The following ASMTL variants were observed in gnomAD, a reference collection of about 807,000 sequenced individuals.
ASMTL encodes acetylserotonin O-methyltransferase like.
Under a neutral mutation model 60.3 loss-of-function variants are expected in ASMTL, and 57 were observed. That is an observed-to-expected ratio of 0.95 (90% CI 0.76 to 1.18). The LOEUF is 1.18. Ranked by LOEUF, ASMTL falls within the 50% of genes most tolerant of loss-of-function variation. The pLI, the probability that ASMTL is intolerant of heterozygous loss-of-function variation, is 0.00. For synonymous variants in ASMTL, 419 were observed against 373.0 expected (o/e 1.12, Z -1.42); for missense variants, 981 against 852.6 (o/e 1.15, Z -1.88).
At chrX:1,417,376 C>T (rs2090327049) in intron 11 of ASMTL, among the ~76,000 whole-genome samples, 1 of 150,150 alleles carries the variant, frequency 6.7e-6, no homozygotes, top group Admixed American at 6.8e-5. Context: ...GAAACATATG[C>T]AACCACACAC....
intron 2 of ASMTL, among the ~76,000 whole-genome samples, chrX:1,439,794 C>T (rs1437758031): frequency 1.4e-5 from 2 of 147,804 alleles, no homozygotes; most frequent in Non-Finnish European, 3.0e-5. Flanking sequence ...CAAGGTTGCG[C>T]ACCTGCACTC....
intron 1 of ASMTL, among the ~76,000 whole-genome samples, chrX:1,449,673 TGCCCCATCATCAAACCCAGTAA>T (rs1195040740): frequency 7.0e-6 from 1 of 142,294 alleles, no homozygotes; most frequent in African/African-American, 2.7e-5. Context: ...CCAGTAACTA[TGCCCCATCATCAAACCCAGTAA>T]CTACCCCCCA....
chrX:1,421,534 G>A, intron 9 of ASMTL, 124 bp downstream of exon 9: 1 of 1,096,378 alleles, frequency 9.1e-7, no homozygotes, highest in South Asian at 1.5e-5. Flanking sequence ...GGCAGAACGA[G>A]CCAAGCCTTT....
chrX:1,405,695 A>G (rs1351363256), intron 12 of ASMTL, among the ~76,000 whole-genome samples: 3 of 150,832 alleles, frequency 2.0e-5, no homozygotes, highest in Non-Finnish European at 3.0e-5. Flanking sequence ...ATGGGCAGGT[A>G]GATAGATGAA....
chrX:1,408,167 C>G (rs867721353), intron 12 of ASMTL, among the ~76,000 whole-genome samples: 1,681 of 78,500 alleles, frequency 0.021, 30 homozygotes, highest in African/African-American at 0.067. Context: ...CAACACTGCC[C>G]TCCAGCCAAA....
intron 2 of ASMTL, among the ~76,000 whole-genome samples, chrX:1,439,770 A>T (rs1450511722): frequency 2.0e-5 from 3 of 146,724 alleles, no homozygotes; most frequent in African/African-American, 7.5e-5. Flanking sequence ...TAGGAGGCGG[A>T]GGTTGCAGTG....
intron 9 of ASMTL, among the ~76,000 whole-genome samples, chrX:1,419,726 G>A (rs1247118195): frequency 3.9e-5 from 6 of 152,254 alleles, no homozygotes; most frequent in East Asian, 1.9e-4. Context: ...TCTGAGCCCC[G>A]CTCCCAGCAG....
At chrX:1,434,243 A>G (rs1218264755) in intron 5 of ASMTL, among the ~76,000 whole-genome samples, 1 of 152,114 alleles carries the variant, frequency 6.6e-6, no homozygotes, top group African/African-American at 2.4e-5. Context: ...CAGTCCCAGC[A>G]CTTTGGGAGG....
rs200159707 is a variant in ASMTL, at chrX:1,403,552, CAG to C, written c.1646-65_1646-64del. 1.1e-3 allele frequency: 1,639 copies of C among 1,467,898 alleles called. 11 individuals are homozygous for C. In the African/African-American group the frequency reaches 0.017, roughly 15 times the overall value. The allele number at this position is 1,467,898 out of a possible 1,614,324, so 90.9% of individuals were successfully genotyped here. A position where few individuals can be genotyped will look rare whatever the true frequency, so the allele number is the denominator to read the frequency against. ...CAGGCGGGGATCCTTCAGCAGGACA[CAG>C]GGGACACAGCAGGCAACAGGAGCTC... On this transcript the variant is annotated intron_variant, in intron 12 of 12. Coordinates refer to ENST00000381317, the MANE Select transcript of ASMTL (RefSeq NM_004192.4).
chrX:1,453,249 G>C (rs1164743188), upstream of ASMTL, among the ~76,000 whole-genome samples: 11 of 141,102 alleles, frequency 7.8e-5, no homozygotes, highest in African/African-American at 3.0e-4. Flanking sequence ...GCCAGGCCAC[G>C]CCCAGGCCAC....
intron 1 of ASMTL, among the ~76,000 whole-genome samples, chrX:1,444,973 T>C (rs1198738765): frequency 2.0e-5 from 3 of 152,124 alleles, no homozygotes; most frequent in African/African-American, 7.2e-5. Context: ...CGTCTTCCTC[T>C]CTCTTCGTCC....
At chrX:1,410,969 C>G (rs28433576) in intron 12 of ASMTL, among the ~76,000 whole-genome samples, 3 of 151,826 alleles carry the variant, frequency 2.0e-5, no homozygotes, top group African/African-American at 7.2e-5. Flanking sequence ...GTGGATCACC[C>G]GAGGTTGGGA....
chrX:1,418,384 C>T (rs1287627669), intron 10 of ASMTL, among the ~76,000 whole-genome samples: 2 of 151,728 alleles, frequency 1.3e-5, no homozygotes, highest in South Asian at 2.1e-4. Flanking sequence ...GGGATGTAGA[C>T]ACAATGGCCG....
intron 11 of ASMTL, among the ~76,000 whole-genome samples, chrX:1,416,848 C>T (rs1569532203): frequency 6.6e-6 from 1 of 151,050 alleles, no homozygotes; most frequent in African/African-American, 2.4e-5. Flanking sequence ...CAGACATGCA[C>T]ACACAGACAT....
chrX:1,424,224 C>T (rs1448138990), intron 8 of ASMTL, among the ~76,000 whole-genome samples: 3 of 144,500 alleles, frequency 2.1e-5, no homozygotes, highest in Non-Finnish European at 4.6e-5. Flanking sequence ...CATCATCCAC[C>T]CAGCCATGCA....
Position 1,439,164 on chromosome X carries a change from C to G in ASMTL, c.226-20G>C. The G allele has an allele frequency of 6.2e-7, 1 of 1,613,734 alleles. No individual in the cohort carries two copies. The highest frequency in any genetic ancestry group is 8.5e-7 in the Non-Finnish European group (1 of 1,179,620). Reference sequence around the variant, plus strand: ...GTCTTTCTGTAAGAAAACCAGATTCCGGTTTACCGGTGACGTGCCGTGGGT... The same window carrying G: ...GTCTTTCTGTAAGAAAACCAGATTCGGGTTTACCGGTGACGTGCCGTGGGT... On this transcript the variant is annotated intron_variant, in intron 2 of 12. Coordinates refer to ENST00000381317, the MANE Select transcript of ASMTL (RefSeq NM_004192.4).
chrX:1,439,248 A>T, intron 2 of ASMTL, 104 bp from the exon 3 acceptor site: 1 of 1,239,494 alleles, frequency 8.1e-7, no homozygotes, highest in East Asian at 2.4e-5. Flanking sequence ...GGGCGAAGCC[A>T]GGCCGACTTT....
At chrX:1,418,480 C>T (rs1460035712) in intron 10 of ASMTL, among the ~76,000 whole-genome samples, 1 of 151,794 alleles carries the variant, frequency 6.6e-6, no homozygotes, top group East Asian at 1.9e-4. Flanking sequence ...GGCTGTACTC[C>T]TCCCTTCTCC....
At chrX:1,446,059 T>C (rs1351315351) in intron 1 of ASMTL, among the ~76,000 whole-genome samples, 78 of 152,216 alleles carry the variant, frequency 5.1e-4, no homozygotes, top group Admixed American at 5.1e-3. Flanking sequence ...CACACGCTCC[T>C]AGTCCGCCTT....
Sources: allele counts gnomAD v4.1 joint callset (sites outside exome capture counted in the v4.1 genomes callset), GRCh38; gene constraint gnomAD v4.1.1; transcripts MANE v1.5; gene names NCBI Gene and HGNC (gene_info 2026-07-23, HGNC 2026-07-21).